Variants in RPN1 observed in about 807,000 individuals in gnomAD.
RPN1 encodes ribophorin I.
A neutral mutation model predicts 55.5 loss-of-function variants in RPN1; 12 were observed. The observed-to-expected ratio is 0.22, with a 90% CI of 0.14 to 0.35. The LOEUF is 0.35. RPN1 is among the 10% of genes least tolerant of loss of function. RPN1 has a pLI of 1.00. For missense variants in RPN1, 679 were observed against 761.3 expected (o/e 0.89, Z 1.27); for synonymous variants, 317 against 305.9 (o/e 1.04, Z -0.38).
chr3:128,622,455 T>C, intron 8 of RPN1, 46 bp from the exon 9 acceptor site: 1 of 1,610,692 alleles, frequency 6.2e-7, no homozygotes, highest in Non-Finnish European at 8.5e-7. Flanking sequence ...CAGGCTTGGG[T>C]CCACTCTGAC....
intron 9 of RPN1, among the ~76,000 whole-genome samples, chr3:128,621,726 C>T (rs2069561078): frequency 6.6e-6 from 1 of 152,206 alleles, no homozygotes; most frequent in African/African-American, 2.4e-5. Context: ...GAGGGGCTAA[C>T]AGCATTCCCA....
chr3:128,650,711 C>G lies in RPN1; in HGVS notation c.90G>C (p.Pro30=). The G allele has an allele frequency of 6.4e-7, 1 of 1,566,536 alleles. No individual in the cohort carries two copies. The highest frequency in any genetic ancestry group is 8.7e-7 in the Non-Finnish European group (1 of 1,155,620). ...APGSASSEAP[P]LINEDVKRTV... ...TGCGCTTCACGTCCTCATTGATCAG[C>G]GGCGGTGCCTCGGAGGAGGCGCTGC... The change falls in exon 1 of 10, where the codon CCG becomes CCC. Residue 30 remains proline, a synonymous_variant. Transcript: ENST00000296255.
chr3:128,637,725 C>G, intron 3 of RPN1, 74 bp downstream of exon 3: 7 of 1,482,324 alleles, frequency 4.7e-6, no homozygotes, highest in Non-Finnish European at 5.5e-6. Context: ...CCACCCAAGC[C>G]TATCAACCAG....
chr3:128,624,222 T>C (rs1233289121), intron 8 of RPN1, among the ~76,000 whole-genome samples: 2 of 152,168 alleles, frequency 1.3e-5, no homozygotes, highest in East Asian at 3.9e-4. Flanking sequence ...CGGTGTCTCA[T>C]GCCTGTAATC....
chr3:128,639,306 T>C (rs1045477535), intron 2 of RPN1, among the ~76,000 whole-genome samples: 5 of 151,088 alleles, frequency 3.3e-5, no homozygotes, highest in Non-Finnish European at 7.4e-5. Flanking sequence ...CAAAAAAAAA[T>C]AGCCGGGCGT....
chr3:128,641,970 A>G lies in RPN1; in HGVS notation c.326+2949T>C, dbSNP rs149600762. On this transcript the variant is annotated intron_variant, in intron 2 of 9. Coordinates refer to ENST00000296255, the MANE Select transcript of RPN1 (RefSeq NM_002950.4). ...AAACACTATTATTTTACTGATGAGG[A>G]AACTGAGGAAAATGCTAGTAAACAT... Among the ~76,000 whole-genome samples, 888 of 152,272 alleles carry G rather than the reference A, an allele frequency of 5.8e-3. 2 individuals carry two copies. The highest frequency in any genetic ancestry group is 9.9e-3 in the Non-Finnish European group (672 of 68,016).
intron 5 of RPN1, among the ~76,000 whole-genome samples, chr3:128,628,113 T>C (rs1025194402): frequency 6.6e-6 from 1 of 151,700 alleles, no homozygotes; most frequent in Non-Finnish European, 1.5e-5. Context: ...AAAAATTAGC[T>C]GGGCGTAGTG....
intron 2 of RPN1, among the ~76,000 whole-genome samples, chr3:128,639,857 G>A (rs2069712166): frequency 6.6e-6 from 1 of 152,126 alleles, no homozygotes; most frequent in African/African-American, 2.4e-5. Context: ...AAAGTGCTGG[G>A]ATTACAGGCA....
chr3:128,641,092 G>A (rs2069720741), intron 2 of RPN1: 1 of 151,810 alleles, frequency 6.6e-6, no homozygotes, highest in Non-Finnish European at 1.5e-5. Context: ...TGTACATGGA[G>A]CAGGTCTTTT....
intron 5 of RPN1, 140 bp downstream of exon 5, chr3:128,629,811 T>C (rs2069628657): frequency 1.8e-6 from 1 of 570,922 alleles, no homozygotes; most frequent in Admixed American, 3.3e-5. Context: ...TACCCACTTA[T>C]AAAAAGTTGT....
intron 2 of RPN1, among the ~76,000 whole-genome samples, chr3:128,643,657 G>A (rs538229717): frequency 9.9e-5 from 15 of 152,172 alleles, no homozygotes; most frequent in African/African-American, 3.6e-4. Flanking sequence ...TTAGCCAGGT[G>A]TGCTGGTGCA....
At chr3:128,628,990 T>C (rs983553016) in intron 5 of RPN1, among the ~76,000 whole-genome samples, 9 of 151,886 alleles carry the variant, frequency 5.9e-5, no homozygotes, top group African/African-American at 7.3e-5. Context: ...ATAAGGCAAA[T>C]TGAATAGATT....
chr3:128,626,726 C>T lies in RPN1; in HGVS notation c.1136+7G>A, dbSNP rs779226794. On this transcript the variant is annotated splice_region_variant and intron_variant, in intron 6 of 9. Coordinates refer to ENST00000296255, the MANE Select transcript of RPN1 (RefSeq NM_002950.4). The stretch of plus-strand genomic sequence containing the variant: ...CGGGTGCAAAGGAGAGGAACAGTCA[C>T]ACTCACTTGGCTCCTTCAGGCAGGA... 2 of 1,613,394 alleles carry T rather than the reference C, an allele frequency of 1.2e-6. No individual in the cohort carries two copies. Among genetic ancestry groups the T allele is most frequent in the Non-Finnish European group, 1.7e-6 (2 of 1,179,378 alleles).
chr3:128,621,695 T>C (rs2069560898), intron 9 of RPN1, among the ~76,000 whole-genome samples: 1 of 152,208 alleles, frequency 6.6e-6, no homozygotes, highest in African/African-American at 2.4e-5. Flanking sequence ...CATTAACTCA[T>C]TTCACACTCA....
intron 3 of RPN1, among the ~76,000 whole-genome samples, chr3:128,635,944 T>C (rs1383757150): frequency 2.6e-5 from 4 of 151,898 alleles, no homozygotes; most frequent in Admixed American, 2.6e-4. Flanking sequence ...TTTTGTTACA[T>C]ACAACTTGTT....
chr3:128,631,062 G>A (rs998169487), intron 4 of RPN1, among the ~76,000 whole-genome samples: 28 of 148,964 alleles, frequency 1.9e-4, no homozygotes, highest in South Asian at 1.7e-3. Flanking sequence ...GCCGTGAGCC[G>A]AGATCGTGCC....
intron 9 of RPN1, 142 bp from the exon 10 acceptor site, chr3:128,620,735 C>A (rs1014149048): frequency 2.3e-6 from 2 of 878,796 alleles, no homozygotes; most frequent in Non-Finnish European, 1.7e-6. Context: ...TGTCCCAGGG[C>A]AGCAGGGCTG....
At chr3:128,647,762 T>C (rs2069779865) in intron 1 of RPN1, among the ~76,000 whole-genome samples, 1 of 151,868 alleles carries the variant, frequency 6.6e-6, no homozygotes, top group African/African-American at 2.4e-5. Flanking sequence ...TGTTCAGTTA[T>C]ACAGACTTAT....
rs2069647640 is a variant in RPN1, at chr3:128,632,225, T to C, written c.634-68A>G. Reference sequence around the variant, plus strand: ...GAATGCACCATTAGTTTAAATCAGATTGATTGGAGACAACCTATATATCAG... The same window carrying C: ...GAATGCACCATTAGTTTAAATCAGACTGATTGGAGACAACCTATATATCAG... On this transcript the variant is annotated intron_variant, in intron 3 of 9. Transcript: ENST00000296255. The C allele has an allele frequency of 3.5e-6, 5 of 1,425,422 alleles. No homozygotes were observed. In the Admixed American group the frequency reaches 5.2e-5, roughly 15 times the overall value. 88.3% of individuals were successfully genotyped at this position (1,425,422 alleles called of 1,614,324 possible). A position where few individuals can be genotyped will look rare whatever the true frequency, so the allele number is the denominator to read the frequency against.
Sources: gnomAD v4.1 joint callset for allele counts (sites outside exome capture counted in the v4.1 genomes callset) on GRCh38, gnomAD v4.1.1 for gene constraint, MANE v1.5 for transcripts, NCBI Gene and HGNC (gene_info 2026-07-23, HGNC 2026-07-21) for gene names.